Variants in KAT6A observed in about 807,000 individuals in gnomAD.
The protein encoded by KAT6A is histone acetyltransferase KAT6A.
A neutral mutation model predicts 198.4 loss-of-function variants in KAT6A; 9 were observed. The ratio of observed to expected loss-of-function variants is 0.05; its 90% CI spans 0.03 to 0.08. KAT6A has a LOEUF of 0.08. KAT6A is among the 10% of genes least tolerant of loss of function. The pLI is 1.00. For missense variants in KAT6A, 2,077 were observed against 2,509.9 expected (o/e 0.83, Z 3.69); for synonymous variants, 890 against 883.0 (o/e 1.01, Z -0.14).
intron 2 of KAT6A, among the ~76,000 whole-genome samples, chr8:42,041,554 A>G (rs116575953): frequency 0.012 from 1,837 of 152,306 alleles, 40 homozygotes; most frequent in South Asian, 0.082. Flanking sequence ...ACTGGCCAAC[A>G]TGGTGAAACC....
intron 3 of KAT6A, among the ~76,000 whole-genome samples, chr8:41,986,532 C>T (rs1020368998): frequency 6.6e-6 from 1 of 151,974 alleles, no homozygotes; most frequent in African/African-American, 2.4e-5. Flanking sequence ...ATGTTAAATA[C>T]TGAAATGTAA....
At chr8:41,938,292 A>T (rs1485458856) in intron 15 of KAT6A, among the ~76,000 whole-genome samples, 1 of 152,234 alleles carries the variant, frequency 6.6e-6, no homozygotes, top group African/African-American at 2.4e-5. Flanking sequence ...TTTATTCATT[A>T]ACTTCAAAAT....
chr8:42,009,904 A>AC (rs1018049157), intron 2 of KAT6A, among the ~76,000 whole-genome samples: 1 of 144,126 alleles, frequency 6.9e-6, no homozygotes, highest in Admixed American at 6.8e-5. Context: ...CAAAAAAAAA[A>AC]AAAAAAAAAA....
At chr8:41,951,661 C>T (rs1401526162) in intron 9 of KAT6A, among the ~76,000 whole-genome samples, 2 of 152,136 alleles carry the variant, frequency 1.3e-5, no homozygotes, top group African/African-American at 2.4e-5. Context: ...GATAACCCAG[C>T]CCATGGAATC....
rs1259192224 is a variant in KAT6A at position 41,990,091 on chromosome 8, G to A, written c.601-2528C>T. On this transcript the variant is annotated intron_variant, in intron 2 of 16. Transcript: ENST00000265713. ...AACAACTCTAAAGAAGGCCTAGGAAGAAGGTAGAAGCCAGTCATGAGATTT... is the reference window on the plus strand; with the variant it reads ...AACAACTCTAAAGAAGGCCTAGGAAAAAGGTAGAAGCCAGTCATGAGATTT... Among the ~76,000 whole-genome samples the A allele has an allele frequency of 3.3e-5, 5 of 151,542 alleles. 1 individual carries two copies. Among genetic ancestry groups the A allele is most frequent in the Admixed American group, 3.3e-4 (5 of 15,224 alleles).
At position 41,932,158 on chromosome 8, in the gene KAT6A, T is replaced by C. The variant is rs1323518144; in HGVS notation, c.*47A>G. 1.4e-6 allele frequency: 2 copies of C among 1,429,470 alleles called. No individual in the cohort carries two copies. The highest frequency in any genetic ancestry group is 4.8e-5 in the East Asian group (2 of 41,290). 88.5% of individuals were successfully genotyped at this position (1,429,470 alleles called of 1,614,324 possible). A position where few individuals can be genotyped will look rare whatever the true frequency, so the allele number is the denominator to read the frequency against. On this transcript the variant is annotated 3_prime_UTR_variant, in exon 17 of 17. Coordinates refer to ENST00000265713, the MANE Select transcript of KAT6A (RefSeq NM_006766.5). ...TCTCTGGTTTGTCAGTATAAAAGGT[T>C]CCTTTATTTATATATATTTAAGTTT...
At chr8:42,031,193 A>G (rs1827104399) in intron 2 of KAT6A, among the ~76,000 whole-genome samples, 1 of 152,242 alleles carries the variant, frequency 6.6e-6, no homozygotes, top group Non-Finnish European at 1.5e-5. Context: ...TACTTTTCAC[A>G]GAATTCTCGT....
chr8:42,016,903 CA>C (rs532147107), intron 2 of KAT6A, among the ~76,000 whole-genome samples: 40 of 150,170 alleles, frequency 2.7e-4, no homozygotes, highest in African/African-American at 9.3e-4. Flanking sequence ...CTGAGGGATG[CA>C]AAAAAAAATT....
intron 3 of KAT6A, 56 bp from the exon 4 acceptor site, chr8:41,982,010 T>C (rs527875550): frequency 1.7e-5 from 17 of 997,510 alleles, no homozygotes; most frequent in East Asian, 2.4e-5. Context: ...TTTGCTATTA[T>C]AGTACTAAAG....
intron 9 of KAT6A, among the ~76,000 whole-genome samples, chr8:41,950,638 GT>G (rs1240507974): frequency 1.1e-3 from 166 of 152,194 alleles, no homozygotes; most frequent in African/African-American, 2.1e-3. Context: ...AAAAAATTTT[GT>G]GCTTTTTAAA....
intron 8 of KAT6A, among the ~76,000 whole-genome samples, chr8:41,970,353 G>A (rs187705061): frequency 6.6e-6 from 1 of 152,146 alleles, no homozygotes; most frequent in African/African-American, 2.4e-5. Flanking sequence ...ATGCTGGAAA[G>A]AAACATAGGA....
intron 8 of KAT6A, among the ~76,000 whole-genome samples, chr8:41,967,593 A>G (rs1823574031): frequency 6.6e-6 from 1 of 151,924 alleles, no homozygotes; most frequent in African/African-American, 2.4e-5. Flanking sequence ...GATGATTTCC[A>G]ATTTCATCCA....
chr8:41,969,085 C>T (rs1435105847), intron 8 of KAT6A, among the ~76,000 whole-genome samples: 2 of 152,236 alleles, frequency 1.3e-5, no homozygotes, highest in South Asian at 2.1e-4. Flanking sequence ...AGCCCCTCCC[C>T]GTACCATAGT....
chr8:41,949,318 T>C lies in KAT6A; in HGVS notation c.1644A>G (p.Lys548=). The C allele has an allele frequency of 6.4e-7, 1 of 1,569,254 alleles. No homozygotes were observed. The highest frequency in any genetic ancestry group is 1.4e-5 in the African/African-American group (1 of 72,334). ...YLCEFCLKYM[K]SRTILQQHMK... ...TGTGCTGCTGCAGAATAGTTCTACTTTTCATATATTTTAGACAAAATTCAC... is the reference window on the plus strand; with the variant it reads ...TGTGCTGCTGCAGAATAGTTCTACTCTTCATATATTTTAGACAAAATTCAC... The change falls in exon 10 of 17, where the codon AAA becomes AAG. Residue 548 remains lysine (K), a synonymous_variant. Transcript: ENST00000265713.
intron 2 of KAT6A, among the ~76,000 whole-genome samples, chr8:42,027,782 C>T (rs1230136196): frequency 6.6e-6 from 1 of 151,644 alleles, no homozygotes; most frequent in Non-Finnish European, 1.5e-5. Context: ...TTTATTTCTG[C>T]TCCTGCCTTT....
At chr8:42,046,473 T>C (rs1300493415) in intron 2 of KAT6A, among the ~76,000 whole-genome samples, 1 of 151,980 alleles carries the variant, frequency 6.6e-6, no homozygotes, top group Non-Finnish European at 1.5e-5. Flanking sequence ...GAGGCGGAGG[T>C]TGCAGTGAGA....
chr8:42,044,149 G>A (rs1267397298), intron 2 of KAT6A, among the ~76,000 whole-genome samples: 2 of 142,948 alleles, frequency 1.4e-5, no homozygotes, highest in Non-Finnish European at 3.0e-5. Context: ...TGCCCAGGCT[G>A]GAGTGCAGTG....
chr8:42,009,013 C>T (rs1825880952), intron 2 of KAT6A, among the ~76,000 whole-genome samples: 1 of 152,206 alleles, frequency 6.6e-6, no homozygotes. Context: ...TCTGCATACA[C>T]AGCACCCCTG....
At chr8:41,938,374 C>G (rs1388926219) in intron 15 of KAT6A, among the ~76,000 whole-genome samples, 1 of 152,088 alleles carries the variant, frequency 6.6e-6, no homozygotes, top group East Asian at 1.9e-4. Context: ...CATAAATTGG[C>G]AATACAAGTG....
Sources: allele counts gnomAD v4.1 joint callset (sites outside exome capture counted in the v4.1 genomes callset), GRCh38; gene constraint gnomAD v4.1.1; transcripts MANE v1.5; gene names NCBI Gene and HGNC (gene_info 2026-07-23, HGNC 2026-07-21).